NRXN1: variants seen among roughly 807,000 people sequenced by gnomAD.
NRXN1 encodes neurexin-1.
In NRXN1, 39 loss-of-function variants were observed where a neutral mutation model predicts 150.9. The ratio of observed to expected loss-of-function variants is 0.26; its 90% CI spans 0.20 to 0.34. The LOEUF (loss-of-function observed/expected upper bound fraction) is 0.34, where lower values mean the gene tolerates loss of function less well. NRXN1 is among the 10% of genes least tolerant of loss of function. The pLI, the probability that NRXN1 is intolerant of heterozygous loss-of-function variation, is 1.00. For synonymous variants in NRXN1, 924 were observed against 757.0 expected, an observed-to-expected ratio of 1.22 and a Z score of -3.62; for missense variants, 1,815 against 1,949.9, an observed-to-expected ratio of 0.93 and a Z score of 1.30.
At chr2:50,132,616 T>C (rs990304333) in intron 18 of NRXN1, among the ~76,000 whole-genome samples, 4 of 152,056 alleles carry the variant, frequency 2.6e-5, no homozygotes, top group African/African-American at 9.7e-5. Context: ...AGCTCTTATC[T>C]TTTTAAAATG....
chr2:50,122,891 G>C (rs1469153061), intron 18 of NRXN1, among the ~76,000 whole-genome samples: 1 of 152,046 alleles, frequency 6.6e-6, no homozygotes, highest in African/African-American at 2.4e-5. Context: ...CACATCTATT[G>C]AAAACCTTCT....
chr2:50,762,236 G>C (rs1400526356), intron 5 of NRXN1, among the ~76,000 whole-genome samples: 1 of 151,548 alleles, frequency 6.6e-6, no homozygotes, highest in Non-Finnish European at 1.5e-5. Context: ...TGAACTTCTG[G>C]ACTCAAGTGA....
At chr2:50,648,536 C>G (rs902594704) in intron 5 of NRXN1, among the ~76,000 whole-genome samples, 1 of 151,940 alleles carries the variant, frequency 6.6e-6, no homozygotes. Context: ...TGAGAGACTA[C>G]AAGACAGAAG....
intron 18 of NRXN1, among the ~76,000 whole-genome samples, chr2:50,129,966 C>T (rs1479003703): frequency 6.6e-6 from 1 of 152,142 alleles, no homozygotes; most frequent in Non-Finnish European, 1.5e-5. Context: ...CAAATATTTT[C>T]TATGTAATAC....
intron 17 of NRXN1, among the ~76,000 whole-genome samples, chr2:50,376,669 A>T (rs2080521856): frequency 6.6e-6 from 1 of 152,192 alleles, no homozygotes; most frequent in Non-Finnish European, 1.5e-5. Flanking sequence ...AAAAACATGA[A>T]GTGTAGACAT....
At chr2:50,466,627 C>A (rs1573092779) in intron 16 of NRXN1, 2 of 361,754 alleles carry the variant, frequency 5.5e-6, no homozygotes, top group South Asian at 2.1e-5. Flanking sequence ...GTAGAGCAAA[C>A]AAATTAATAC....
rs200398681 is a variant in NRXN1 at position 50,346,818 on chromosome 2, G to A, written c.3365-109848C>T. ...TGGATGCCCCCCACGCCACTCCTAG[G>A]AGGCCGCTGAGGGTGAGCGGGACTA... On this transcript the variant is annotated intron_variant, in intron 17 of 22. Coordinates refer to ENST00000401669, the MANE Select transcript of NRXN1 (RefSeq NM_001330078.2). The surrounding 1 kb of genome is among the most constrained non-coding windows in gnomAD (Gnocchi z 5.0). 1.1e-5 allele frequency: 18 copies of A among 1,612,676 alleles called. No individual in the cohort carries two copies. The East Asian group carries it at 4.0e-4, about 36-fold the overall frequency.
chr2:50,780,773 T>C (rs1704254278), intron 5 of NRXN1, among the ~76,000 whole-genome samples: 1 of 152,198 alleles, frequency 6.6e-6, no homozygotes, highest in African/African-American at 2.4e-5. Context: ...CTTTTTTATA[T>C]GATATGAAAT....
chr2:50,703,025 A>G (rs1379509763), intron 5 of NRXN1, among the ~76,000 whole-genome samples: 1 of 152,102 alleles, frequency 6.6e-6, no homozygotes, highest in Non-Finnish European at 1.5e-5. Flanking sequence ...GAACAGACAA[A>G]CAAACACAAA....
chr2:50,521,887 G>A (rs186467912), intron 12 of NRXN1, among the ~76,000 whole-genome samples: 38 of 152,240 alleles, frequency 2.5e-4, no homozygotes, highest in African/African-American at 8.7e-4. Context: ...CTAAGATCTG[G>A]TGAGTAGCTT....
chr2:50,688,239 T>C (rs1691542830), intron 5 of NRXN1, among the ~76,000 whole-genome samples: 1 of 152,172 alleles, frequency 6.6e-6, no homozygotes, highest in African/African-American at 2.4e-5. Context: ...CTGAGGATAG[T>C]CTATGGGGTC....
intron 21 of NRXN1, among the ~76,000 whole-genome samples, chr2:50,051,296 T>C (rs189742241): frequency 3.9e-5 from 6 of 152,136 alleles, no homozygotes; most frequent in African/African-American, 1.2e-4. Flanking sequence ...ATAAAACCAA[T>C]GCTGATAATA....
intron 5 of NRXN1, among the ~76,000 whole-genome samples, chr2:50,854,476 G>C (rs1055623913): frequency 6.6e-6 from 1 of 152,090 alleles, no homozygotes; most frequent in Non-Finnish European, 1.5e-5. Context: ...ACATTCCGTA[G>C]AGTACATTCT....
chr2:50,091,634 G>T, intron 18 of NRXN1, 140 bp from the exon 19 acceptor site: 1 of 819,770 alleles, frequency 1.2e-6, no homozygotes, highest in African/African-American at 1.7e-5. Flanking sequence ...AAAACTACAT[G>T]TAGTAGAAGC....
intron 12 of NRXN1, among the ~76,000 whole-genome samples, chr2:50,522,944 G>A (rs948028103): frequency 1.3e-5 from 2 of 151,292 alleles, no homozygotes; most frequent in Non-Finnish European, 2.9e-5. Context: ...ATGCTGGTCA[G>A]GCTGGTCCTA....
At position 50,829,708 on chromosome 2, in the gene NRXN1, C is replaced by T. The variant is rs1671121778; in HGVS notation, c.832+92161G>A. 3.1e-6 allele frequency: 5 copies of T among 1,599,550 alleles called. No individual in the cohort carries two copies. The Admixed American group carries it at 8.6e-5, about 27-fold the overall frequency. On this transcript the variant is annotated intron_variant, in intron 5 of 22. Transcript: ENST00000401669. ...GCGCCGCGCCAGGCCGCCCGCACAC[C>T]CAGAGCTCGCCCACGGTTGGCAGCG... is the stretch of plus-strand genomic sequence containing the variant.
chr2:50,168,923 G>A (rs961674280), intron 18 of NRXN1, among the ~76,000 whole-genome samples: 3 of 152,074 alleles, frequency 2.0e-5, no homozygotes, highest in South Asian at 2.1e-4. Context: ...CAGTTCACTC[G>A]TTCAAAAACT....
intron 16 of NRXN1, among the ~76,000 whole-genome samples, chr2:50,470,741 C>T (rs1286925557): frequency 6.6e-6 from 1 of 151,644 alleles, no homozygotes; most frequent in African/African-American, 2.4e-5. Flanking sequence ...ACATGCAGAG[C>T]CACAAAATTC....
chr2:50,908,521 G>C (rs1041924743), intron 5 of NRXN1, among the ~76,000 whole-genome samples: 4 of 151,946 alleles, frequency 2.6e-5, no homozygotes, highest in African/African-American at 9.7e-5. Flanking sequence ...GCTTTAAGAG[G>C]TATCCTGACA....
Sources: gnomAD v4.1 joint callset for allele counts (sites outside exome capture counted in the v4.1 genomes callset) on GRCh38, gnomAD v4.1.1 for gene constraint, Gnocchi (gnomAD v3.1) non-coding constraint, MANE v1.5 for transcripts, NCBI Gene and HGNC (gene_info 2026-07-23, HGNC 2026-07-21) for gene names.